Variants in CNTN5 observed in about 807,000 individuals in gnomAD.
The protein encoded by CNTN5 is contactin-5.
In CNTN5, 77 loss-of-function variants were observed where a neutral mutation model predicts 129.1. That is an observed-to-expected ratio of 0.60 (90% CI 0.50 to 0.72). CNTN5 has a LOEUF of 0.72. Ranked by LOEUF, CNTN5 falls within the 30% of genes least tolerant of loss-of-function variation. The pLI is 0.00. For synonymous variants in CNTN5, 509 were observed against 465.6 expected (o/e 1.09, Z -1.20); for missense variants, 1,478 against 1,328.8 (o/e 1.11, Z -1.75).
At chr11:99,163,097 C>T (rs1384964527) in intron 1 of CNTN5, among the ~76,000 whole-genome samples, 1 of 152,074 alleles carries the variant, frequency 6.6e-6, no homozygotes, top group Non-Finnish European at 1.5e-5. Context: ...TGACAAATCA[C>T]CTATTGACCT....
At chr11:99,785,511 A>G (rs1199849589) in intron 3 of CNTN5, among the ~76,000 whole-genome samples, 2 of 151,720 alleles carry the variant, frequency 1.3e-5, no homozygotes, top group Non-Finnish European at 2.9e-5. Flanking sequence ...CTAGGTTTTC[A>G]TCCTTATACC....
At chr11:99,977,649 G>A (rs570681310) in intron 8 of CNTN5, among the ~76,000 whole-genome samples, 29 of 152,238 alleles carry the variant, frequency 1.9e-4, no homozygotes, top group African/African-American at 7.0e-4. Context: ...ATCAAATCTT[G>A]TTAGAACTCT....
Position 99,068,351 on chromosome 11 carries a change from T to C in CNTN5, c.-210+47081T>C, listed in dbSNP as rs183150877. On this transcript the variant is annotated intron_variant, in intron 1 of 24. Coordinates refer to ENST00000524871, the MANE Select transcript of CNTN5 (RefSeq NM_014361.4). ...ATATAGGATAGGAGTATTTAATTCC[T>C]CCCTGTGAGAAGTGTCAAGAAAGAC... 1.8e-3 allele frequency among the ~76,000 whole-genome samples: 274 copies of C among 152,278 alleles called. 1 individual carries two copies. Among genetic ancestry groups the C allele is most frequent in the Middle Eastern group, 3.4e-3 (1 of 294 alleles).
rs575892155 is a variant in CNTN5, at chr11:100,358,540, T to C, written c.*2320T>C. 2 of 152,044 alleles carry C rather than the reference T, an allele frequency of 1.3e-5. No individual in the cohort carries two copies. The highest frequency in any genetic ancestry group is 2.9e-5 in the Non-Finnish European group (2 of 67,838). 9.4% of individuals were successfully genotyped at this position (152,044 alleles called of 1,614,324 possible). On this transcript the variant is annotated 3_prime_UTR_variant, in exon 25 of 25. Transcript: ENST00000524871. ...TGTAGAAACCAGAAGAGCATTCTTA[T>C]CAAGGTACATTATTTTTCAGCTACA...
chr11:100,083,680 C>A (rs1475434227), intron 13 of CNTN5, among the ~76,000 whole-genome samples: 1 of 147,982 alleles, frequency 6.8e-6, no homozygotes, highest in Non-Finnish European at 1.5e-5. Context: ...CAAATAATTC[C>A]ATTTTCAACA....
chr11:100,213,239 A>G (rs1394153710), intron 15 of CNTN5, among the ~76,000 whole-genome samples: 1 of 152,188 alleles, frequency 6.6e-6, no homozygotes, highest in Admixed American at 6.5e-5. Context: ...ATATATAAGC[A>G]TATATGATAA....
intron 2 of CNTN5, among the ~76,000 whole-genome samples, chr11:99,351,987 A>G (rs1938329133): frequency 6.6e-6 from 1 of 152,240 alleles, no homozygotes; most frequent in Non-Finnish European, 1.5e-5. Flanking sequence ...AGGAAATTGA[A>G]ATATAAAGCA....
At chr11:99,925,386 G>A (rs1361385481) in intron 7 of CNTN5, among the ~76,000 whole-genome samples, 3 of 152,220 alleles carry the variant, frequency 2.0e-5, no homozygotes, top group Non-Finnish European at 4.4e-5. Flanking sequence ...ATATAGCGAA[G>A]CTTAATCCTG....
chr11:100,066,526 C>T (rs903580644), intron 10 of CNTN5, among the ~76,000 whole-genome samples: 3 of 151,982 alleles, frequency 2.0e-5, no homozygotes, highest in African/African-American at 7.2e-5. Flanking sequence ...TAAAATGTAA[C>T]CCAGAGACTG....
chr11:99,438,536 C>T (rs564320670), intron 2 of CNTN5, among the ~76,000 whole-genome samples: 4 of 152,108 alleles, frequency 2.6e-5, no homozygotes, highest in African/African-American at 9.6e-5. Flanking sequence ...CTCTTTATCT[C>T]TTCATATCTC....
rs372640031 is a variant in CNTN5 at position 100,030,496 on chromosome 11, C to A, written c.980+28360C>A. Among the ~76,000 whole-genome samples, 3 of 152,276 alleles carry A rather than the reference C, an allele frequency of 2.0e-5. No homozygotes were observed. In the South Asian group the frequency reaches 6.2e-4, roughly 32 times the overall value. The stretch of plus-strand genomic sequence containing the variant: ...TTAACATGGCATTTTTACCACCTGA[C>A]CCCGTTAAGCTGTGCCATAGATATG... On this transcript the variant is annotated intron_variant, in intron 9 of 24. Coordinates refer to ENST00000524871, the MANE Select transcript of CNTN5 (RefSeq NM_014361.4).
At chr11:99,238,922 G>A (rs868244852) in intron 1 of CNTN5, among the ~76,000 whole-genome samples, 57 of 152,128 alleles carry the variant, frequency 3.7e-4, no homozygotes, top group African/African-American at 1.2e-3. Context: ...AGAAAATTTG[G>A]CAAATGTAGA....
intron 2 of CNTN5, among the ~76,000 whole-genome samples, chr11:99,423,037 C>A (rs1198862094): frequency 6.6e-6 from 1 of 152,136 alleles, no homozygotes; most frequent in South Asian, 2.1e-4. Flanking sequence ...AGGAAATACA[C>A]TAAGAGACTG....
At chr11:100,274,863 G>A (rs1003443078) in intron 18 of CNTN5, among the ~76,000 whole-genome samples, 5 of 152,164 alleles carry the variant, frequency 3.3e-5, no homozygotes, top group Admixed American at 1.3e-4. Context: ...AAAAACATTC[G>A]ACCCGATACT....
intron 2 of CNTN5, among the ~76,000 whole-genome samples, chr11:99,437,724 G>A (rs1236076262): frequency 6.6e-6 from 1 of 152,182 alleles, no homozygotes; most frequent in African/African-American, 2.4e-5. Context: ...TCAGGAGGCT[G>A]AGACAGGAGA....
At chr11:99,556,554 A>AATATATATATATATATATATATAT in intron 3 of CNTN5, among the ~76,000 whole-genome samples, 1 of 72,332 alleles carries the variant, frequency 1.4e-5, no homozygotes, top group East Asian at 3.2e-4. Flanking sequence ...AAGGCTTGGA[A>AATATATATATATATATATATATAT]ATATATATAT....
chr11:99,710,998 C>T (rs1277097818), intron 3 of CNTN5, among the ~76,000 whole-genome samples: 1 of 151,822 alleles, frequency 6.6e-6, no homozygotes, highest in Non-Finnish European at 1.5e-5. Context: ...TAATGTGTCC[C>T]ACATATTGCA....
At chr11:99,824,284 A>G (rs1289808629) in intron 4 of CNTN5, among the ~76,000 whole-genome samples, 1 of 151,984 alleles carries the variant, frequency 6.6e-6, no homozygotes, top group Non-Finnish European at 1.5e-5. Context: ...ATTGTCACCA[A>G]CATAAAATTT....
chr11:99,335,526 G>C (rs1022394281), intron 2 of CNTN5, among the ~76,000 whole-genome samples: 1 of 151,860 alleles, frequency 6.6e-6, no homozygotes, highest in African/African-American at 2.4e-5. Flanking sequence ...AGAGGGTAGG[G>C]AAAACAAGAC....
Sources: allele counts gnomAD v4.1 joint callset (sites outside exome capture counted in the v4.1 genomes callset), GRCh38; gene constraint gnomAD v4.1.1; transcripts MANE v1.5; gene names NCBI Gene and HGNC (gene_info 2026-07-23, HGNC 2026-07-21).